CLVS1: variants seen among roughly 807,000 people sequenced by gnomAD.
The protein encoded by CLVS1 is clavesin-1.
CLVS1 carries 10 observed loss-of-function variants against 33.1 expected under a neutral mutation model. The ratio of observed to expected loss-of-function variants is 0.30; its 90% CI spans 0.19 to 0.51. The LOEUF (loss-of-function observed/expected upper bound fraction) is 0.51. CLVS1 is among the 20% of genes least tolerant of loss of function. CLVS1 has a pLI of 0.97. For missense variants in CLVS1, 343 were observed against 433.4 expected (o/e 0.79, Z 1.85); for synonymous variants, 163 against 166.1 (o/e 0.98, Z 0.14).
intron 2 of CLVS1, among the ~76,000 whole-genome samples, chr8:61,177,883 G>A (rs778315649): frequency 6.6e-6 from 1 of 151,570 alleles, no homozygotes; most frequent in Admixed American, 6.6e-5. Flanking sequence ...TCTTGAAGAT[G>A]AGAAAGAATC....
chr8:61,055,352 G>C (rs1386354571), upstream of CLVS1, among the ~76,000 whole-genome samples: 1 of 152,122 alleles, frequency 6.6e-6, no homozygotes, highest in Non-Finnish European at 1.5e-5. Context: ...CACAAAAGCA[G>C]GTCTTCCAAG....
At chr8:61,024,525 TC>T in the CLVS1 span, among the ~76,000 whole-genome samples, 1 of 152,182 alleles carries the variant, frequency 6.6e-6, no homozygotes, top group Admixed American at 6.5e-5. Context: ...TCCAAGAAAT[TC>T]CTTTTCTTCT....
chr8:61,322,905 G>A lies in CLVS1; in HGVS notation c.455+22623G>A, dbSNP rs59470873. 8.7e-3 allele frequency among the ~76,000 whole-genome samples: 1,322 copies of A among 152,060 alleles called. 17 individuals carry two copies. Among genetic ancestry groups the A allele is most frequent in the African/African-American group, 0.03 (1,250 of 41,464 alleles). On this transcript the variant is annotated intron_variant, in intron 2 of 5. Coordinates refer to ENST00000325897, the MANE Select transcript of CLVS1 (RefSeq NM_173519.3). ...CACCAGTCTTTCCAAACAAAATTTA[G>A]TCTCCCTTACTTTGAACCTCCCAAA...
chr8:61,389,415 C>G (rs1814212227), intron 3 of CLVS1, among the ~76,000 whole-genome samples: 1 of 152,224 alleles, frequency 6.6e-6, no homozygotes, highest in African/African-American at 2.4e-5. Context: ...GTGGCACATG[C>G]CTGTAGTCCC....
At chr8:61,247,628 C>A (rs1265886010) in intron 2 of CLVS1, among the ~76,000 whole-genome samples, 2 of 152,014 alleles carry the variant, frequency 1.3e-5, no homozygotes, top group Non-Finnish European at 2.9e-5. Flanking sequence ...TGTCCTTTGC[C>A]CACTTTTTAA....
chr8:61,066,234 A>C (rs1289724740), intron 1 of CLVS1, among the ~76,000 whole-genome samples: 2 of 152,208 alleles, frequency 1.3e-5, no homozygotes, highest in African/African-American at 4.8e-5. Flanking sequence ...GATGGCTCAC[A>C]CCTGTAATCC....
At chr8:61,423,409 A>C (rs916583439) in intron 3 of CLVS1, among the ~76,000 whole-genome samples, 1 of 152,198 alleles carries the variant, frequency 6.6e-6, no homozygotes, top group Non-Finnish European at 1.5e-5. Flanking sequence ...AAAACAAATC[A>C]TTATGACTTT....
chr8:61,407,676 TTAAA>T (rs1815043283), intron 3 of CLVS1, among the ~76,000 whole-genome samples: 1 of 152,186 alleles, frequency 6.6e-6, no homozygotes, highest in Admixed American at 6.5e-5. Context: ...AAATAAGTAA[TTAAA>T]TAAGCCGTTT....
chr8:60,991,322 G>A, the CLVS1 span, among the ~76,000 whole-genome samples: 1 of 152,156 alleles, frequency 6.6e-6, no homozygotes, highest in Non-Finnish European at 1.5e-5. Context: ...TAGGCAGAAA[G>A]GGCACATGTA....
At chr8:61,021,899 C>T in the CLVS1 span, among the ~76,000 whole-genome samples, 10 of 152,110 alleles carry the variant, frequency 6.6e-5, no homozygotes, top group African/African-American at 2.4e-4. Context: ...GGCCCCTACC[C>T]CCAGTAGTCC....
chr8:61,063,143 C>T (rs1390032645), intron 1 of CLVS1, among the ~76,000 whole-genome samples: 1 of 151,998 alleles, frequency 6.6e-6, no homozygotes, highest in African/African-American at 2.4e-5. Context: ...GTAAGTAAGA[C>T]AAAGGCTTTG....
intron 2 of CLVS1, among the ~76,000 whole-genome samples, chr8:61,278,606 G>A (rs978885713): frequency 1.3e-5 from 2 of 152,234 alleles, no homozygotes; most frequent in Admixed American, 6.5e-5. Context: ...ATATGTGTTA[G>A]TGAATGTCAT....
At chr8:61,066,456 C>T (rs1804681474) in intron 1 of CLVS1, among the ~76,000 whole-genome samples, 1 of 152,100 alleles carries the variant, frequency 6.6e-6, no homozygotes, top group Non-Finnish European at 1.5e-5. Flanking sequence ...CTATGATTTA[C>T]CACTGCACTC....
chr8:61,102,642 C>T (rs1805470998), intron 1 of CLVS1, among the ~76,000 whole-genome samples: 1 of 152,134 alleles, frequency 6.6e-6, no homozygotes, highest in South Asian at 2.1e-4. Context: ...TGAGAGGGTA[C>T]TATAGACCAT....
At chr8:61,271,523 T>C (rs1001757228) in intron 2 of CLVS1, among the ~76,000 whole-genome samples, 11 of 148,642 alleles carry the variant, frequency 7.4e-5, no homozygotes, top group Non-Finnish European at 1.6e-4. Context: ...TGTAGATGTC[T>C]ATTAGGTCTG....
chr8:61,119,030 G>C (rs1049669399), intron 1 of CLVS1, among the ~76,000 whole-genome samples: 2 of 152,136 alleles, frequency 1.3e-5, no homozygotes, highest in Non-Finnish European at 2.9e-5. Context: ...GATCACTCAG[G>C]ACTTGCTTTA....
intron 1 of CLVS1, among the ~76,000 whole-genome samples, chr8:61,295,489 A>G (rs1287924077): frequency 1.3e-5 from 2 of 152,182 alleles, no homozygotes; most frequent in Admixed American, 1.3e-4. Flanking sequence ...TGGCAACTGG[A>G]CATCTGTAAG....
chr8:61,068,227 GTGTA>G (rs1217175995), intron 1 of CLVS1, among the ~76,000 whole-genome samples: 1,137 of 88,284 alleles, frequency 0.013, 32 homozygotes, highest in African/African-American at 0.043. Context: ...ATGTATGTAT[GTGTA>G]TATATATATA....
At chr8:61,242,592 C>T (rs1307792502) in intron 2 of CLVS1, among the ~76,000 whole-genome samples, 1 of 152,078 alleles carries the variant, frequency 6.6e-6, no homozygotes, top group African/African-American at 2.4e-5. Flanking sequence ...AAGTTCAAGA[C>T]CAGCCAGGGC....
Sources: gnomAD v4.1 joint callset for allele counts (sites outside exome capture counted in the v4.1 genomes callset) on GRCh38, gnomAD v4.1.1 for gene constraint, MANE v1.5 for transcripts, NCBI Gene and HGNC (gene_info 2026-07-23, HGNC 2026-07-21) for gene names.